The following ASTN2 variants were observed in gnomAD, a reference collection of about 807,000 sequenced individuals.
The protein encoded by ASTN2 is astrotactin-2.
ASTN2 carries 54 observed loss-of-function variants against 139.8 expected under a neutral mutation model. That is an observed-to-expected ratio of 0.39 (90% confidence interval 0.31 to 0.48). The LOEUF (loss-of-function observed/expected upper bound fraction) is 0.48, where lower values mean the gene tolerates loss of function less well. Ranked by LOEUF, ASTN2 falls within the 20% of genes least tolerant of loss-of-function variation. The probability of loss-of-function intolerance (pLI) is 0.95; values close to 1 mark genes in which losing one functional copy is unlikely to be tolerated. For missense variants in ASTN2, 1,565 were observed against 1,725.1 expected (o/e 0.91, Z 1.64); for synonymous variants, 756 against 719.5 (o/e 1.05, Z -0.81).
intron 3 of ASTN2, among the ~76,000 whole-genome samples, chr9:117,186,869 G>A (rs1588053967): frequency 6.6e-6 from 1 of 152,332 alleles, no homozygotes; most frequent in Non-Finnish European, 1.5e-5. Flanking sequence ...AGTGGCTCAC[G>A]CCTGTAATCC....
chr9:116,809,646 T>C (rs979087481), intron 12 of ASTN2, among the ~76,000 whole-genome samples: 1 of 152,226 alleles, frequency 6.6e-6, no homozygotes, highest in African/African-American at 2.4e-5. Context: ...TTGGGTGGCA[T>C]TGCTTTGAAT....
intron 1 of ASTN2, among the ~76,000 whole-genome samples, chr9:117,326,944 T>C (rs1308288563): frequency 6.6e-6 from 1 of 152,164 alleles, no homozygotes; most frequent in Non-Finnish European, 1.5e-5. Flanking sequence ...CGTAGAGCAA[T>C]GGTCCCCAAC....
At chr9:116,493,948 A>T (rs1037789782) in intron 19 of ASTN2, among the ~76,000 whole-genome samples, 4 of 152,132 alleles carry the variant, frequency 2.6e-5, no homozygotes, top group African/African-American at 9.7e-5. Context: ...GCTCTTTGTC[A>T]TGGTGCCCAG....
chr9:116,862,587 A>G (rs1832910701), intron 11 of ASTN2, among the ~76,000 whole-genome samples: 1 of 152,178 alleles, frequency 6.6e-6, no homozygotes, highest in Non-Finnish European at 1.5e-5. Context: ...GAGAAGGTAC[A>G]AGAAAAGGTT....
chr9:116,838,102 T>TTC (rs1832063652), intron 11 of ASTN2, among the ~76,000 whole-genome samples: 1 of 94,738 alleles, frequency 1.1e-5, no homozygotes, highest in Non-Finnish European at 2.2e-5. Context: ...CCTGGCTGTG[T>TTC]TTTTTTTTGT....
At chr9:116,440,348 G>C (rs1847804147) in intron 22 of ASTN2, among the ~76,000 whole-genome samples, 1 of 152,150 alleles carries the variant, frequency 6.6e-6, no homozygotes, top group Non-Finnish European at 1.5e-5. Context: ...AATGAGGTGG[G>C]AGATGAGCAA....
At chr9:116,506,507 C>T (rs967154712) in intron 19 of ASTN2, among the ~76,000 whole-genome samples, 10 of 152,160 alleles carry the variant, frequency 6.6e-5, no homozygotes, top group Admixed American at 4.6e-4. Context: ...GGAGTGACTT[C>T]ACATGTTCTC....
intron 11 of ASTN2, among the ~76,000 whole-genome samples, chr9:116,822,600 A>C (rs1393319735): frequency 6.6e-6 from 1 of 152,156 alleles, no homozygotes; most frequent in African/African-American, 2.4e-5. Context: ...AACAGGAGAC[A>C]CCTGGGCAGG....
chr9:116,731,506 T>A (rs1000498692), intron 14 of ASTN2, among the ~76,000 whole-genome samples: 2 of 152,136 alleles, frequency 1.3e-5, no homozygotes, highest in Admixed American at 6.5e-5. Flanking sequence ...CACTGCAACC[T>A]CCACCTCCTG....
intron 3 of ASTN2, among the ~76,000 whole-genome samples, chr9:117,207,620 C>T (rs1564478781): frequency 6.6e-6 from 1 of 152,184 alleles, no homozygotes; most frequent in East Asian, 1.9e-4. Context: ...CCCAGGCCAG[C>T]TGAAAAGCTA....
At chr9:116,732,306 C>T (rs1189568720) in intron 14 of ASTN2, among the ~76,000 whole-genome samples, 1 of 152,172 alleles carries the variant, frequency 6.6e-6, no homozygotes, top group Non-Finnish European at 1.5e-5. Context: ...CAAAAAGTGC[C>T]TGGCCCCCAG....
At chr9:116,999,036 C>T (rs1837105135) in intron 7 of ASTN2, among the ~76,000 whole-genome samples, 1 of 152,174 alleles carries the variant, frequency 6.6e-6, no homozygotes, top group Non-Finnish European at 1.5e-5. Flanking sequence ...ATTCTCATTT[C>T]ATATCCTACT....
rs753866301 is a variant in ASTN2 at position 116,699,513 on chromosome 9, G to A, written c.2806+26258C>T. On this transcript the variant is annotated intron_variant, in intron 16 of 22. Coordinates refer to ENST00000313400, the MANE Select transcript of ASTN2 (RefSeq NM_001365068.1). This position sits in a 1 kb window ranked among gnomAD's most constrained non-coding sequence, Gnocchi z 4.2. ...TGTGGATGCTCGTGGTGATCTCATCGTGGCTGACAGTAGTCGCAAGGAAAT... is the reference window on the plus strand; with the variant it reads ...TGTGGATGCTCGTGGTGATCTCATCATGGCTGACAGTAGTCGCAAGGAAAT... The A allele has an allele frequency of 1.6e-5, 26 of 1,613,296 alleles. No individual in the cohort carries two copies. Among genetic ancestry groups the A allele is most frequent in the Admixed American group, 5.0e-5 (3 of 59,960 alleles).
intron 19 of ASTN2, among the ~76,000 whole-genome samples, chr9:116,505,380 CCAA>C (rs1850065297): frequency 6.6e-6 from 1 of 151,892 alleles, no homozygotes; most frequent in Non-Finnish European, 1.5e-5. Flanking sequence ...TACTGGATAC[CCAA>C]TCAATGCAAA....
chr9:116,911,758 G>A (rs913814668), intron 10 of ASTN2, among the ~76,000 whole-genome samples: 6 of 152,108 alleles, frequency 3.9e-5, no homozygotes, highest in African/African-American at 1.4e-4. Flanking sequence ...AAAAAAGTTA[G>A]CCAGGCGTGG....
intron 4 of ASTN2, among the ~76,000 whole-genome samples, chr9:117,134,522 C>T (rs959198694): frequency 3.9e-5 from 6 of 151,938 alleles, no homozygotes; most frequent in African/African-American, 1.5e-4. Flanking sequence ...TGTGGCTTCC[C>T]ATCTTCCCAC....
chr9:117,094,718 C>T (rs1587956847), intron 5 of ASTN2, among the ~76,000 whole-genome samples: 1 of 152,038 alleles, frequency 6.6e-6, no homozygotes, highest in East Asian at 1.9e-4. Context: ...GGGAAAGATG[C>T]CAGAGGTGAG....
At chr9:116,734,312 A>G (rs1828864467) in intron 13 of ASTN2, among the ~76,000 whole-genome samples, 3 of 152,186 alleles carry the variant, frequency 2.0e-5, no homozygotes, top group Admixed American at 2.0e-4. Context: ...AACTGTGAAC[A>G]AAGTTCTGAG....
At chr9:117,108,539 CA>C (rs71379261) in intron 4 of ASTN2, among the ~76,000 whole-genome samples, 16,413 of 151,680 alleles carry the variant, frequency 0.11, 1,098 homozygotes, top group Non-Finnish European at 0.15. Context: ...GGAAGTGAAA[CA>C]GAAATAGTTT....
Sources: allele counts gnomAD v4.1 joint callset (sites outside exome capture counted in the v4.1 genomes callset), GRCh38; gene constraint gnomAD v4.1.1; non-coding constraint Gnocchi (gnomAD v3.1); transcripts MANE v1.5; gene names NCBI Gene and HGNC (gene_info 2026-07-23, HGNC 2026-07-21).